PSMD4: variants seen among roughly 807,000 people sequenced by gnomAD.
PSMD4 encodes the protein proteasome 26S subunit ubiquitin receptor, non-ATPase 4.
Under a neutral mutation model 39.7 loss-of-function variants are expected in PSMD4, and 5 were observed. That is an observed-to-expected ratio of 0.13 (90% CI 0.07 to 0.26). PSMD4 has a LOEUF of 0.26. Ranked by LOEUF, PSMD4 falls within the 10% of genes least tolerant of loss-of-function variation. The pLI is 1.00. For missense variants in PSMD4, 272 were observed against 486.1 expected (o/e 0.56, Z 4.14); for synonymous variants, 143 against 174.6 (o/e 0.82, Z 1.43).
intron 1 of PSMD4, among the ~76,000 whole-genome samples, chr1:151,260,952 TCTC>T (rs1344328501): frequency 6.6e-6 from 1 of 151,318 alleles, no homozygotes; most frequent in Admixed American, 6.6e-5. Flanking sequence ...TTCAAGCAAT[TCTC>T]CTGCCTCAAC....
chr1:151,256,874 TTAG>T (rs1693187514), intron 1 of PSMD4, among the ~76,000 whole-genome samples: 2 of 151,882 alleles, frequency 1.3e-5, no homozygotes, highest in South Asian at 4.2e-4. Context: ...CTCAGCCTCC[TTAG>T]TAGCTGGGAT....
chr1:151,260,199 CAA>C (rs750229890), intron 1 of PSMD4, among the ~76,000 whole-genome samples: 19 of 121,450 alleles, frequency 1.6e-4, no homozygotes, highest in Non-Finnish European at 1.6e-4. Context: ...AACTCTGTCT[CAA>C]AAAAAAAAAA....
intron 1 of PSMD4, among the ~76,000 whole-genome samples, chr1:151,258,541 G>T (rs587698846): frequency 7.1e-6 from 1 of 140,054 alleles, no homozygotes; most frequent in African/African-American, 2.7e-5. Context: ...GCTCACTGCA[G>T]CCTCGACCTC....
intron 1 of PSMD4, 71 bp downstream of exon 1, chr1:151,254,879 G>C: frequency 4.4e-6 from 6 of 1,368,002 alleles, no homozygotes; most frequent in Non-Finnish European, 5.8e-6. Flanking sequence ...GGCAGGGAGG[G>C]CCTGGGGTGG....
intron 1 of PSMD4, among the ~76,000 whole-genome samples, chr1:151,256,358 AATAATAAAATAAAT>A (rs1693167914): frequency 7.9e-5 from 3 of 37,852 alleles, no homozygotes; most frequent in African/African-American, 9.7e-5. Flanking sequence ...AAAAAAAAAT[AATAATAAAATAAAT>A]AAATAAATAA....
rs140691024 is a variant in PSMD4, at chr1:151,257,336, T to C, written c.26+2528T>C. 1.6e-4 allele frequency among the ~76,000 whole-genome samples: 25 copies of C among 152,322 alleles called. No individual in the cohort carries two copies. In the East Asian group the frequency reaches 3.5e-3, roughly 21 times the overall value. On this transcript the variant is annotated intron_variant, in intron 1 of 9. Transcript: ENST00000368884. The stretch of plus-strand genomic sequence containing the variant: ...TACCAGTGCCATGCGGTTTTGGTTA[T>C]TGTAGCCCTAAGTAATAGTTTGAAG...
intron 1 of PSMD4, among the ~76,000 whole-genome samples, chr1:151,255,018 C>T (rs587694962): frequency 3.4e-4 from 52 of 152,298 alleles, no homozygotes; most frequent in African/African-American, 1.3e-3. Context: ...CCCAGGGGGA[C>T]GGTCATTGAC....
In PSMD4 at chr1:151,265,064, C is replaced by T. The variant is rs1349572586; in HGVS notation, c.370-102C>T. 8.4e-6 allele frequency: 11 copies of T among 1,305,994 alleles called. No individual in the cohort carries two copies. In the East Asian group the frequency reaches 2.7e-4, roughly 32 times the overall value. 80.9% of individuals were successfully genotyped at this position (1,305,994 alleles called of 1,614,324 possible). A position where few individuals can be genotyped will look rare whatever the true frequency, so the allele number is the denominator to read the frequency against. On this transcript the variant is annotated intron_variant, in intron 4 of 9. Coordinates refer to ENST00000368884, the MANE Select transcript of PSMD4 (RefSeq NM_002810.4). ...AGAATTCAGTGATTCTGTTGGAGGA[C>T]CTTGGGGAGGTCAATAGATTTCTGT...
chr1:151,263,220 C>G (rs766163182), intron 2 of PSMD4, among the ~76,000 whole-genome samples: 1 of 150,998 alleles, frequency 6.6e-6, no homozygotes, highest in Non-Finnish European at 1.5e-5. Flanking sequence ...TCCCTGCATT[C>G]TGGGAGGCCA....
At position 151,266,067 on chromosome 1, in the gene PSMD4, G is replaced by A; in HGVS notation, c.718G>A (p.Ala240Thr). The change falls in exon 7 of 10, where the codon GCA (alanine) becomes ACA (threonine). Residue 240 changes from alanine to threonine, a missense_variant. This residue lies in a region of PSMD4 where 113 missense variants were observed against 184.6 expected (regional missense o/e 0.61). Coordinates refer to ENST00000368884, the MANE Select transcript of PSMD4 (RefSeq NM_002810.4). ...GGAGGAGGAGGCCCGGCGGGCAGCT[G>A]CAGCTTCTGCTGCTGAGGCCGGGAT... ...RQEEEARRAA[A>T]ASAAEAGIAT... 1.2e-6 allele frequency: 2 copies of A among 1,606,930 alleles called. No homozygotes were observed. The highest frequency in any genetic ancestry group is 1.1e-5 in the South Asian group (1 of 89,984).
chr1:151,254,751 G>C lies in PSMD4; in HGVS notation c.-32G>C, dbSNP rs754116642. The C allele has an allele frequency of 1.3e-6, 2 of 1,554,720 alleles. No individual in the cohort carries two copies. Among genetic ancestry groups the C allele is most frequent in the Non-Finnish European group, 1.7e-6 (2 of 1,150,102 alleles). Reference sequence around the variant, plus strand: ...GAGGAGTTGTTGTTAGGCCGTCCCGGAGACCCGGTCGGGAGGGAGGAAGGT... The same window carrying C: ...GAGGAGTTGTTGTTAGGCCGTCCCGCAGACCCGGTCGGGAGGGAGGAAGGT... On this transcript the variant is annotated 5_prime_UTR_variant, in exon 1 of 10. Transcript: ENST00000368884.
At chr1:151,262,335 G>T in intron 2 of PSMD4, 34 bp downstream of exon 2, 2 of 1,613,464 alleles carry the variant, frequency 1.2e-6, no homozygotes, top group Non-Finnish European at 1.7e-6. Context: ...GACTCAGTAG[G>T]TGGGTGGTTG....
intron 6 of PSMD4, 130 bp from the exon 7 acceptor site, chr1:151,265,874 C>T (rs1693437914): frequency 7.7e-7 from 1 of 1,291,250 alleles, no homozygotes; most frequent in African/African-American, 1.5e-5. Flanking sequence ...GCTTATCCCT[C>T]CAGCTTCTTC....
At chr1:151,265,849 T>C (rs912599822) in intron 6 of PSMD4, among the ~76,000 whole-genome samples, 155 bp from the exon 7 acceptor site, 1 of 152,256 alleles carries the variant, frequency 6.6e-6, no homozygotes. Context: ...CCTTACTTTT[T>C]AATCCCGTAC....
chr1:151,255,330 A>C (rs1053565214), intron 1 of PSMD4, among the ~76,000 whole-genome samples: 10 of 152,170 alleles, frequency 6.6e-5, no homozygotes, highest in Admixed American at 5.2e-4. Context: ...AAGGTAAATT[A>C]TCTCTCCATT....
At chr1:151,257,015 CT>C (rs2101834323) in intron 1 of PSMD4, among the ~76,000 whole-genome samples, 1 of 152,030 alleles carries the variant, frequency 6.6e-6, no homozygotes, top group Non-Finnish European at 1.5e-5. Context: ...TCCCAAAGTG[CT>C]GGCATTATAG....
chr1:151,259,764 A>C (rs1399867718), intron 1 of PSMD4, among the ~76,000 whole-genome samples: 2 of 151,982 alleles, frequency 1.3e-5, no homozygotes, highest in Non-Finnish European at 2.9e-5. Flanking sequence ...TTTTTTTGGT[A>C]GAGACTGGGT....
chr1:151,260,381 G>A lies in PSMD4; in HGVS notation c.27-1780G>A, dbSNP rs751379441. ...CCTTCTTCTGGTCTTTGGGAAACTC[G>A]AGATTATATTTCACATTAGCTGGAT... On this transcript the variant is annotated intron_variant, in intron 1 of 9. Coordinates refer to ENST00000368884, the MANE Select transcript of PSMD4 (RefSeq NM_002810.4). 8.6e-4 allele frequency among the ~76,000 whole-genome samples: 131 copies of A among 152,176 alleles called. 2 individuals are homozygous for A. The highest frequency in any genetic ancestry group is 1.2e-3 in the Non-Finnish European group (83 of 68,006).
intron 1 of PSMD4, among the ~76,000 whole-genome samples, chr1:151,257,497 A>G (rs587721315): frequency 3.3e-5 from 5 of 152,216 alleles, no homozygotes; most frequent in South Asian, 2.1e-4. Context: ...GTTTGATAGG[A>G]GTAGCATTGA....
Sources: gnomAD v4.1 joint callset for allele counts (sites outside exome capture counted in the v4.1 genomes callset) on GRCh38, gnomAD v4.1.1 for gene constraint, gnomAD v4.1.1 regional missense constraint, MANE v1.5 for transcripts, NCBI Gene and HGNC (gene_info 2026-07-23, HGNC 2026-07-21) for gene names.